Variants in SORCS1 observed in about 807,000 individuals in gnomAD.
SORCS1 encodes the protein VPS10 domain-containing receptor SorCS1.
Under a neutral mutation model 146.1 loss-of-function variants are expected in SORCS1, and 60 were observed. The ratio of observed to expected loss-of-function variants is 0.41; its 90% CI spans 0.33 to 0.51. The LOEUF (loss-of-function observed/expected upper bound fraction) is 0.51, where lower values mean the gene tolerates loss of function less well. SORCS1 is among the 20% of genes least tolerant of loss of function. SORCS1 has a pLI of 0.21. For synonymous variants in SORCS1, 637 were observed against 584.0 expected (o/e 1.09, Z -1.31); for missense variants, 1,352 against 1,487.6 (o/e 0.91, Z 1.50).
chr10:107,082,776 C>T (rs1414454665), intron 1 of SORCS1, among the ~76,000 whole-genome samples: 1 of 152,114 alleles, frequency 6.6e-6, no homozygotes, highest in Non-Finnish European at 1.5e-5. Context: ...TGTACCTGGC[C>T]TGGTGTTTCA....
rs79616792 is a variant in SORCS1, at chr10:106,591,918, G to A, written c.3265+5433C>T. ...CCAATCTGGAATATCATGAGTAGAC[G>A]TACACTTTGGTCAAGACAGCAGTGC... On this transcript the variant is annotated intron_variant, in intron 24 of 25. Coordinates refer to ENST00000263054, the MANE Select transcript of SORCS1 (RefSeq NM_052918.5). Among the ~76,000 whole-genome samples the A allele has an allele frequency of 8.5e-4, 129 of 152,282 alleles. 1 individual carries two copies. Among genetic ancestry groups the A allele is most frequent in the East Asian group, 6.8e-3 (35 of 5,178 alleles).
chr10:106,849,393 C>A (rs1013848277), intron 2 of SORCS1, among the ~76,000 whole-genome samples: 1 of 148,184 alleles, frequency 6.7e-6, no homozygotes, highest in Non-Finnish European at 1.5e-5. Flanking sequence ...CCTGAGGCTT[C>A]TGCATTCTTC....
intron 1 of SORCS1, among the ~76,000 whole-genome samples, chr10:107,128,617 A>G (rs576061469): frequency 6.6e-6 from 1 of 152,366 alleles, no homozygotes; most frequent in East Asian, 1.9e-4. Flanking sequence ...ACTCAAACAC[A>G]CACCTGAACC....
At chr10:107,177,935 G>T in the SORCS1 span, among the ~76,000 whole-genome samples, 1 of 152,158 alleles carries the variant, frequency 6.6e-6, no homozygotes, top group Non-Finnish European at 1.5e-5. Flanking sequence ...TCACTTATAA[G>T]TGGGAGCTGA....
At position 106,699,585 on chromosome 10, in the gene SORCS1, G is replaced by A. The variant is rs540304858; in HGVS notation, c.1234-192C>T. Among the ~76,000 whole-genome samples, 3 of 152,322 alleles carry A rather than the reference G, an allele frequency of 2.0e-5. No homozygotes were observed. The South Asian group carries it at 6.2e-4, about 32-fold the overall frequency. On this transcript the variant is annotated intron_variant, in intron 8 of 25. Coordinates refer to ENST00000263054, the MANE Select transcript of SORCS1 (RefSeq NM_052918.5). ...ATTTCCTTTGTCACTTGTGGGGTTA[G>A]GCAATAAGGTCATGAGAAAATAGGA... is the stretch of plus-strand genomic sequence containing the variant.
Position 106,671,344 on chromosome 10 carries a change from T to C in SORCS1, c.2082A>G (p.Ala694=), listed in dbSNP as rs962161476. 4.3e-6 allele frequency: 7 copies of C among 1,614,152 alleles called. No homozygotes were observed. The highest frequency in any genetic ancestry group is 5.9e-6 in the Non-Finnish European group (7 of 1,180,000). ...ATTTTCGCTTCTTATATATCCTTTT[T>C]GCTCCCATGATACATGCTTCCCCCT... ...HSQGEACIMG[A]KRIYKKRKSE... is the part of the protein sequence containing the mutation. The change falls in exon 16 of 26, where the codon GCA becomes GCG. Residue 694 remains alanine (A), a synonymous_variant. Transcript: ENST00000263054.
chr10:106,825,428 C>A lies in SORCS1; in HGVS notation c.726+4146G>T, dbSNP rs549985948. ...CTGGGACTACAGGCACCCGCCACCA[C>A]GCCTGGCTAATTATTTTGTATTTTT... is the stretch of plus-strand genomic sequence containing the variant. On this transcript the variant is annotated intron_variant, in intron 3 of 25. Coordinates refer to ENST00000263054, the MANE Select transcript of SORCS1 (RefSeq NM_052918.5). 2.4e-3 allele frequency among the ~76,000 whole-genome samples: 366 copies of A among 152,044 alleles called. 1 individual carries two copies. The highest frequency in any genetic ancestry group is 7.4e-3 in the African/African-American group (307 of 41,472).
chr10:106,966,067 G>A (rs1955477629), intron 1 of SORCS1, among the ~76,000 whole-genome samples: 1 of 152,318 alleles, frequency 6.6e-6, no homozygotes, highest in Middle Eastern at 3.4e-3. Context: ...GCTGCTGCCG[G>A]ATCAGGGGTT....
intron 17 of SORCS1, among the ~76,000 whole-genome samples, chr10:106,657,762 G>A (rs1006168020): frequency 3.3e-5 from 5 of 150,116 alleles, no homozygotes; most frequent in African/African-American, 7.4e-5. Flanking sequence ...CCAAATTGTC[G>A]GAGTTTAAAT....
At chr10:107,072,473 C>A (rs1346198878) in intron 1 of SORCS1, among the ~76,000 whole-genome samples, 1 of 152,082 alleles carries the variant, frequency 6.6e-6, no homozygotes, top group African/African-American at 2.4e-5. Context: ...TAGAGTGTAA[C>A]GATTTAGTTA....
intron 6 of SORCS1, among the ~76,000 whole-genome samples, chr10:106,722,248 T>C (rs890031681): frequency 2.6e-5 from 4 of 152,044 alleles, no homozygotes; most frequent in African/African-American, 9.7e-5. Context: ...TCTATATTCA[T>C]AGTAAACACA....
Position 106,802,239 on chromosome 10 carries a change from G to A in SORCS1, c.727-25547C>T, listed in dbSNP as rs78793989. Among the ~76,000 whole-genome samples the A allele has an allele frequency of 3.1e-3, 472 of 152,290 alleles. 2 individuals are homozygous for A. Among genetic ancestry groups the A allele is most frequent in the African/African-American group, 0.011 (438 of 41,550 alleles). On this transcript the variant is annotated intron_variant, in intron 3 of 25. Transcript: ENST00000263054. ...ATGGTGTAGTCAAAGAAAGTATTAT[G>A]AGAGTGATAAGGTGAGCCTGGCTTC...
chr10:106,633,246 A>G (rs538855486), intron 18 of SORCS1, among the ~76,000 whole-genome samples: 1 of 152,324 alleles, frequency 6.6e-6, no homozygotes, highest in African/African-American at 2.4e-5. Context: ...CATATATATA[A>G]TATGTAGTGA....
At chr10:106,743,032 A>G (rs934579586) in intron 5 of SORCS1, among the ~76,000 whole-genome samples, 1 of 152,148 alleles carries the variant, frequency 6.6e-6, no homozygotes, top group African/African-American at 2.4e-5. Flanking sequence ...GTGTGATGAC[A>G]AAAAAAGAAA....
intron 2 of SORCS1, among the ~76,000 whole-genome samples, chr10:106,939,792 C>T (rs1467706439): frequency 6.6e-6 from 1 of 152,218 alleles, no homozygotes; most frequent in African/African-American, 2.4e-5. Flanking sequence ...GAAACTTCAC[C>T]TGAAATAAGA....
intron 1 of SORCS1, among the ~76,000 whole-genome samples, chr10:107,143,484 C>T (rs1360178362): frequency 2.0e-5 from 3 of 152,004 alleles, no homozygotes; most frequent in South Asian, 4.2e-4. Flanking sequence ...CACACCTCCA[C>T]ACCCAGCTAA....
the SORCS1 span, among the ~76,000 whole-genome samples, chr10:107,172,334 T>C: frequency 6.6e-6 from 1 of 152,230 alleles, no homozygotes; most frequent in African/African-American, 2.4e-5. Flanking sequence ...TCCTGTGCCA[T>C]CATCCACTAG....
intron 2 of SORCS1, among the ~76,000 whole-genome samples, chr10:106,911,381 G>C (rs1394059138): frequency 6.6e-6 from 1 of 152,176 alleles, no homozygotes; most frequent in East Asian, 1.9e-4. Flanking sequence ...TGCTGGTATA[G>C]CTAACACCAC....
chr10:106,603,684 C>T (rs1846390026), intron 23 of SORCS1, among the ~76,000 whole-genome samples: 1 of 152,162 alleles, frequency 6.6e-6, no homozygotes, highest in African/African-American at 2.4e-5. Flanking sequence ...CAGCCCTTCT[C>T]AAGTTTCCGC....
Sources: allele counts gnomAD v4.1 joint callset (sites outside exome capture counted in the v4.1 genomes callset), GRCh38; gene constraint gnomAD v4.1.1; transcripts MANE v1.5; gene names NCBI Gene and HGNC (gene_info 2026-07-23, HGNC 2026-07-21).